SHROOM3: variants seen among roughly 807,000 people sequenced by gnomAD.
SHROOM3 encodes the protein shroom family member 3.
Under a neutral mutation model 138.6 loss-of-function variants are expected in SHROOM3, and 47 were observed. The observed-to-expected ratio is 0.34, with a 90% CI of 0.27 to 0.43. SHROOM3 has a LOEUF of 0.43. Among genes scored for constraint, SHROOM3 ranks in the 20% least tolerant of loss-of-function variants. The probability of loss-of-function intolerance (pLI) is 1.00; values close to 1 mark genes in which losing one functional copy is unlikely to be tolerated. For missense variants in SHROOM3, 2,491 were observed against 2,596.5 expected, an observed-to-expected ratio of 0.96 and a Z score of 0.88; for synonymous variants, 1,062 against 1,063.3, an observed-to-expected ratio of 1.00 and a Z score of 0.02.
rs558076182 is a variant in SHROOM3, at chr4:76,568,546, C to T, written c.323+12783C>T. On this transcript the variant is annotated intron_variant, in intron 2 of 10. Transcript: ENST00000296043. ...GGATCATATTCGAAGTTTGTTTTCC[C>T]CTCTGTGAAATGAGATCGACCTAAT... Among the ~76,000 whole-genome samples the T allele has an allele frequency of 2.0e-5, 3 of 152,256 alleles. No individual in the cohort carries two copies. The South Asian group carries it at 6.2e-4, about 32-fold the overall frequency.
intron 3 of SHROOM3, among the ~76,000 whole-genome samples, chr4:76,727,103 G>T (rs559112053): frequency 6.6e-6 from 1 of 152,206 alleles, no homozygotes; most frequent in Non-Finnish European, 1.5e-5. Flanking sequence ...TCACTAAGTA[G>T]TGGGAATGAG....
At chr4:76,479,119 A>T (rs951126284) in intron 1 of SHROOM3, among the ~76,000 whole-genome samples, 1 of 152,086 alleles carries the variant, frequency 6.6e-6, no homozygotes, top group Non-Finnish European at 1.5e-5. Context: ...ACAAAACTGG[A>T]TGGAGAATGA....
At chr4:76,468,531 G>T (rs1340478857) in intron 1 of SHROOM3, among the ~76,000 whole-genome samples, 1 of 151,438 alleles carries the variant, frequency 6.6e-6, no homozygotes, top group Non-Finnish European at 1.5e-5. Flanking sequence ...TATAATAAAT[G>T]AGTTTATTTT....
At chr4:76,447,324 C>T (rs1730834906) in intron 1 of SHROOM3, among the ~76,000 whole-genome samples, 1 of 152,146 alleles carries the variant, frequency 6.6e-6, no homozygotes, top group Non-Finnish European at 1.5e-5. Context: ...AAATTGGACT[C>T]TAGAATCAAT....
intron 1 of SHROOM3, among the ~76,000 whole-genome samples, chr4:76,516,625 T>G (rs1344675996): frequency 2.6e-5 from 4 of 151,498 alleles, no homozygotes; most frequent in African/African-American, 9.7e-5. Context: ...AATCACCAGC[T>G]AATAGATATT....
In SHROOM3 at chr4:76,730,790, C is replaced by T. The variant is rs1720849095; in HGVS notation, c.456-14C>T. On this transcript the variant is annotated splice_polypyrimidine_tract_variant and intron_variant, in intron 3 of 10. Transcript: ENST00000296043. ...TTTGGCTAATGTTGGGGGGTCCCTC[C>T]TGTGTCTCCCCAGGCGCAGTGAGCC... 6.2e-7 allele frequency: 1 copy of T among 1,613,916 alleles called. No individual in the cohort carries two copies. The highest frequency in any genetic ancestry group is 1.3e-5 in the African/African-American group (1 of 75,036).
intron 2 of SHROOM3, among the ~76,000 whole-genome samples, chr4:76,620,704 C>T (rs995667810): frequency 4.6e-5 from 7 of 151,826 alleles, no homozygotes; most frequent in Admixed American, 2.0e-4. Context: ...GAGGCAGAGG[C>T]GGAAAGGGCA....
chr4:76,561,422 G>A (rs1733593477), intron 2 of SHROOM3, among the ~76,000 whole-genome samples: 1 of 152,098 alleles, frequency 6.6e-6, no homozygotes, highest in Non-Finnish European at 1.5e-5. Context: ...CCCATGTAGA[G>A]GTGGCTAGCG....
chr4:76,594,045 T>C (rs567735551), intron 2 of SHROOM3, among the ~76,000 whole-genome samples: 42 of 152,338 alleles, frequency 2.8e-4, no homozygotes, highest in Non-Finnish European at 5.4e-4. Flanking sequence ...AAAAATGCTC[T>C]CTCTCTTAAC....
intron 3 of SHROOM3, among the ~76,000 whole-genome samples, chr4:76,714,052 A>G (rs1385527856): frequency 2.0e-5 from 3 of 152,204 alleles, no homozygotes; most frequent in African/African-American, 2.4e-5. Flanking sequence ...AGACTCACAG[A>G]AAAGTTGTAA....
intron 2 of SHROOM3, among the ~76,000 whole-genome samples, chr4:76,646,842 A>G (rs1202019882): frequency 6.6e-6 from 1 of 152,186 alleles, no homozygotes; most frequent in Non-Finnish European, 1.5e-5. Context: ...TAGTCCAGCC[A>G]CTGTGGAAAA....
chr4:76,776,222 TCAG>T (rs1396973512), intron 10 of SHROOM3, among the ~76,000 whole-genome samples: 1 of 152,188 alleles, frequency 6.6e-6, no homozygotes, highest in Admixed American at 6.5e-5. Flanking sequence ...ATAGAACTGT[TCAG>T]CAGTTTTTCA....
intron 1 of SHROOM3, among the ~76,000 whole-genome samples, chr4:76,492,408 A>G (rs751111889): frequency 1.8e-4 from 28 of 152,366 alleles, no homozygotes; most frequent in Non-Finnish European, 2.9e-4. Flanking sequence ...AATGAGATTC[A>G]AAAGGTACAT....
chr4:76,618,651 C>T (rs1734933941), intron 2 of SHROOM3, among the ~76,000 whole-genome samples: 1 of 152,028 alleles, frequency 6.6e-6, no homozygotes, highest in Non-Finnish European at 1.5e-5. Context: ...AGAGTATGGC[C>T]CTTTTATGCC....
intron 2 of SHROOM3, among the ~76,000 whole-genome samples, chr4:76,572,848 A>G (rs1455427564): frequency 6.6e-6 from 1 of 152,152 alleles, no homozygotes; most frequent in Non-Finnish European, 1.5e-5. Flanking sequence ...TGGGAGGCCA[A>G]AGCAGGTGGA....
chr4:76,669,596 C>T (rs1406611162), intron 2 of SHROOM3, among the ~76,000 whole-genome samples: 1 of 150,372 alleles, frequency 6.7e-6, no homozygotes, highest in Non-Finnish European at 1.5e-5. Context: ...CAGAGCAAAA[C>T]TCTGTCTCAA....
At chr4:76,483,642 C>T (rs368287684) in intron 1 of SHROOM3, among the ~76,000 whole-genome samples, 11 of 152,316 alleles carry the variant, frequency 7.2e-5, no homozygotes, top group African/African-American at 2.6e-4. Flanking sequence ...AATCCTATTA[C>T]TGGGTATATA....
intron 1 of SHROOM3, among the ~76,000 whole-genome samples, chr4:76,547,626 G>A (rs566544539): frequency 2.0e-5 from 3 of 152,154 alleles, no homozygotes; most frequent in Admixed American, 6.5e-5. Context: ...AGCAAGATAC[G>A]TAAGTAAAAA....
At chr4:76,522,460 T>C (rs1732587050) in intron 1 of SHROOM3, among the ~76,000 whole-genome samples, 1 of 152,092 alleles carries the variant, frequency 6.6e-6, no homozygotes, top group South Asian at 2.1e-4. Flanking sequence ...CCTAGGGCAC[T>C]GTTCTCAGCT....
Sources: allele counts gnomAD v4.1 joint callset (sites outside exome capture counted in the v4.1 genomes callset), GRCh38; gene constraint gnomAD v4.1.1; transcripts MANE v1.5; gene names NCBI Gene and HGNC (gene_info 2026-07-23, HGNC 2026-07-21).